The following MICAL2 variants were observed in gnomAD, a reference collection of about 807,000 sequenced individuals.
MICAL2 encodes [F-actin]-monooxygenase MICAL2.
A neutral mutation model predicts 127.3 loss-of-function variants in MICAL2; 77 were observed. That is an observed-to-expected ratio of 0.60 (90% CI 0.50 to 0.73). The LOEUF (loss-of-function observed/expected upper bound fraction) is 0.73, where lower values mean the gene tolerates loss of function less well. MICAL2 is among the 30% of genes least tolerant of loss of function. The pLI is 0.00. For missense variants in MICAL2, 1,351 were observed against 1,434.4 expected, an observed-to-expected ratio of 0.94 and a Z score of 0.94; for synonymous variants, 570 against 551.1, an observed-to-expected ratio of 1.03 and a Z score of -0.48.
intron 2 of MICAL2, among the ~76,000 whole-genome samples, chr11:12,157,532 A>T (rs553919193): frequency 8.5e-5 from 13 of 152,224 alleles, no homozygotes; most frequent in Non-Finnish European, 1.2e-4. Context: ...CTATTCTTGG[A>T]AACTTAAAGC....
In MICAL2 at chr11:12,175,791, G is replaced by C. The variant is rs994581566; in HGVS notation, c.264+13372G>C. Among the ~76,000 whole-genome samples the C allele has an allele frequency of 6.6e-5, 10 of 152,156 alleles. 1 individual carries two copies. Among genetic ancestry groups the C allele is most frequent in the Admixed American group, 5.9e-4 (9 of 15,276 alleles). On this transcript the variant is annotated intron_variant, in intron 3 of 27. Transcript: ENST00000683283. The stretch of plus-strand genomic sequence containing the variant: ...GGAGTGAATGCTAGGCAAAGGAGCA[G>C]CAGGTACAGAGGTGCTGACGCAAGT...
chr11:12,321,534 T>A (rs1864296060), intron 30 of MICAL2, among the ~76,000 whole-genome samples: 2 of 152,158 alleles, frequency 1.3e-5, no homozygotes, highest in Non-Finnish European at 2.9e-5. Flanking sequence ...CGCAGCAGCT[T>A]GTCTTTGATT....
intron 2 of MICAL2, among the ~76,000 whole-genome samples, chr11:12,157,534 A>G (rs1444043596): frequency 6.6e-6 from 1 of 152,204 alleles, no homozygotes; most frequent in Non-Finnish European, 1.5e-5. Context: ...ATTCTTGGAA[A>G]CTTAAAGCAT....
At chr11:12,199,993 C>T (rs1860479232) in intron 3 of MICAL2, among the ~76,000 whole-genome samples, 1 of 152,166 alleles carries the variant, frequency 6.6e-6, no homozygotes, top group African/African-American at 2.4e-5. Context: ...ATGTGAACCC[C>T]CAACTGGTGT....
At chr11:12,293,582 T>C (rs759065740), downstream of MICAL2, 2 of 1,612,492 alleles carry the variant, frequency 1.2e-6, no homozygotes, top group Non-Finnish European at 8.5e-7. Context: ...TGAGCCCCTC[T>C]CGCAAGTCTC....
intron 32 of MICAL2, among the ~76,000 whole-genome samples, chr11:12,330,534 G>A (rs976115862): frequency 1.3e-5 from 2 of 152,014 alleles, no homozygotes; most frequent in African/African-American, 4.8e-5. Context: ...TTCATTAGGC[G>A]GGCATTGAAT....
intron 21 of MICAL2, among the ~76,000 whole-genome samples, 167 bp downstream of exon 21, chr11:12,244,279 A>T (rs934133778): frequency 6.6e-5 from 10 of 152,214 alleles, no homozygotes; most frequent in Non-Finnish European, 1.2e-4. Context: ...GTTAGAGCAC[A>T]CAACACGGCA....
downstream of MICAL2, among the ~76,000 whole-genome samples, chr11:12,288,729 G>A (rs563336624): frequency 6.6e-6 from 1 of 152,162 alleles, no homozygotes; most frequent in East Asian, 1.9e-4. Context: ...GCTGGACTGC[G>A]TACAAAGGGA....
In MICAL2 at chr11:12,255,716, A is replaced by G. The variant is rs1035804625; in HGVS notation, c.2921A>G (p.His974Arg). 6.2e-6 allele frequency: 10 copies of G among 1,614,052 alleles called. No homozygotes were observed. Among genetic ancestry groups the G allele is most frequent in the Non-Finnish European group, 8.5e-6 (10 of 1,179,970 alleles). Residue 974 changes from histidine (H) to arginine (R), a missense_variant, in exon 23 of 28, where the codon CAC becomes CGC. This residue lies in a region of MICAL2 where 752 missense variants were observed against 719.4 expected (regional missense o/e 1.05). Coordinates refer to ENST00000683283, the MANE Select transcript of MICAL2 (RefSeq NM_001282663.2). ...EVLVNLYMND[H>R]RPKAQATSPD... ...CTGGTCAATCTGTACATGAATGATC[A>G]CAGACCTAAGGCCCAGGCCACCTCT... is the stretch of plus-strand genomic sequence containing the variant.
At chr11:12,322,204 T>A (rs919386747) in intron 30 of MICAL2, among the ~76,000 whole-genome samples, 11 of 152,158 alleles carry the variant, frequency 7.2e-5, no homozygotes, top group Admixed American at 4.6e-4. Flanking sequence ...TAGGTTAGTA[T>A]AATGGAAGCT....
chr11:12,278,125 G>T (rs1184427014), intron 1 of MICAL2, among the ~76,000 whole-genome samples: 2 of 152,118 alleles, frequency 1.3e-5, no homozygotes, highest in Non-Finnish European at 2.9e-5. Flanking sequence ...CTAGGACATC[G>T]CTGTACACTA....
At position 12,216,484 on chromosome 11, in the gene MICAL2, T is replaced by G. The variant is rs1856172602; in HGVS notation, c.948+165T>G. 4 of 610,296 alleles carry G rather than the reference T, an allele frequency of 6.6e-6. No individual in the cohort carries two copies. In the South Asian group the frequency reaches 8.0e-5, roughly 12 times the overall value. 37.8% of individuals were successfully genotyped at this position (610,296 alleles called of 1,614,324 possible). A position where few individuals can be genotyped will look rare whatever the true frequency, so the allele number is the denominator to read the frequency against. ...TTCTTGGTGTTACATGAGTATTGGA[T>G]AAAGGAGCCCACGCCAATATGCACA... On this transcript the variant is annotated intron_variant, in intron 8 of 27. Coordinates refer to ENST00000683283, the MANE Select transcript of MICAL2 (RefSeq NM_001282663.2).
At chr11:12,327,345 C>T in intron 32 of MICAL2, 1 of 1,187,738 alleles carries the variant, frequency 8.4e-7, no homozygotes, top group South Asian at 1.5e-5. Flanking sequence ...GAAAACAGAC[C>T]TTGTCACCTG....
At chr11:12,273,094 AAC>A (rs1419521750), upstream of MICAL2, among the ~76,000 whole-genome samples, 1 of 152,208 alleles carries the variant, frequency 6.6e-6, no homozygotes, top group Non-Finnish European at 1.5e-5. Flanking sequence ...GGTCATGCGC[AAC>A]AGTGTCCATT....
chr11:12,285,821 G>A (rs1311028744), intron 2 of MICAL2, among the ~76,000 whole-genome samples: 1 of 152,184 alleles, frequency 6.6e-6, no homozygotes, highest in African/African-American at 2.4e-5. Flanking sequence ...TGGGCTAGCT[G>A]GGCCTTGGAT....
downstream of MICAL2, chr11:12,294,964 C>T (rs1863967100): frequency 5.2e-6 from 7 of 1,336,838 alleles, no homozygotes; most frequent in Admixed American, 3.5e-5. Flanking sequence ...TTCTCAAATA[C>T]TAACAAAAGT....
At chr11:12,294,453 C>T, downstream of MICAL2, 2 of 1,614,212 alleles carry the variant, frequency 1.2e-6, no homozygotes, top group Non-Finnish European at 1.7e-6. Flanking sequence ...CCTCCTGACC[C>T]TGCCCTCCGC....
chr11:12,249,994 C>G (rs116679078), intron 22 of MICAL2: 1 of 152,380 alleles, frequency 6.6e-6, no homozygotes, highest in Non-Finnish European at 1.5e-5. Flanking sequence ...GATATCTAGG[C>G]GGGGACCATC....
At chr11:12,350,090 T>G (rs1379953115) in intron 33 of MICAL2, among the ~76,000 whole-genome samples, 1 of 152,244 alleles carries the variant, frequency 6.6e-6, no homozygotes, top group Non-Finnish European at 1.5e-5. Context: ...TTGCATATCA[T>G]GCTGGCATTA....
Sources: gnomAD v4.1 joint callset for allele counts (sites outside exome capture counted in the v4.1 genomes callset) on GRCh38, gnomAD v4.1.1 for gene constraint, gnomAD v4.1.1 regional missense constraint, MANE v1.5 for transcripts, NCBI Gene and HGNC (gene_info 2026-07-23, HGNC 2026-07-21) for gene names.